Variants in WDR31 observed in about 807,000 individuals in gnomAD.
WDR31 encodes WD repeat domain 31, also known as WD repeat-containing protein 31.
Under a neutral mutation model 47.3 loss-of-function variants are expected in WDR31, and 30 were observed. The observed-to-expected ratio is 0.63, with a 90% confidence interval of 0.47 to 0.86. WDR31 has a LOEUF of 0.86. WDR31 is among the 40% of genes least tolerant of loss of function. The probability of loss-of-function intolerance (pLI) is 0.00; values close to 1 mark genes in which losing one functional copy is unlikely to be tolerated. For synonymous variants in WDR31, 137 were observed against 159.4 expected (o/e 0.86, Z 1.06); for missense variants, 406 against 442.9 (o/e 0.92, Z 0.75).
At chr9:113,337,833 T>C (rs1374187982) in intron 1 of WDR31, among the ~76,000 whole-genome samples, 1 of 152,166 alleles carries the variant, frequency 6.6e-6, no homozygotes, top group African/African-American at 2.4e-5. Context: ...ATAATGCAAA[T>C]ATTCTAAAAT....
At chr9:113,317,311 C>G (rs1434419398) in intron 10 of WDR31, among the ~76,000 whole-genome samples, 1 of 152,116 alleles carries the variant, frequency 6.6e-6, no homozygotes, top group Non-Finnish European at 1.5e-5. Context: ...AATGGGAGAG[C>G]CCGAAAGGCA....
chr9:113,318,432 A>T, intron 10 of WDR31, 43 bp downstream of exon 10: 1 of 1,611,772 alleles, frequency 6.2e-7, no homozygotes, highest in Non-Finnish European at 8.5e-7. Flanking sequence ...AGGTTTTAGG[A>T]CTTCATGTAT....
At chr9:113,332,903 G>C (rs967314832) in intron 2 of WDR31, among the ~76,000 whole-genome samples, 1 of 152,056 alleles carries the variant, frequency 6.6e-6, no homozygotes, top group Non-Finnish European at 1.5e-5. Context: ...TTTTAAAAAA[G>C]CCTGGCACCT....
At chr9:113,320,584 C>T in intron 8 of WDR31, 86 bp from the exon 9 acceptor site, 1 of 1,521,734 alleles carries the variant, frequency 6.6e-7, no homozygotes. Context: ...AAAGTCTTGG[C>T]TCTTTGCTGC....
chr9:113,327,365 T>C (rs1319144524), intron 5 of WDR31, among the ~76,000 whole-genome samples: 1 of 152,098 alleles, frequency 6.6e-6, no homozygotes, highest in Non-Finnish European at 1.5e-5. Flanking sequence ...TGAGGATAAG[T>C]CCAATTTTTG....
At chr9:113,337,399 C>T (rs2118867217) in intron 1 of WDR31, among the ~76,000 whole-genome samples, 1 of 151,994 alleles carries the variant, frequency 6.6e-6, no homozygotes, top group African/African-American at 2.4e-5. Context: ...CAAAATGATC[C>T]AAAATCTAAA....
intron 5 of WDR31, among the ~76,000 whole-genome samples, chr9:113,326,626 C>T (rs1050309939): frequency 1.3e-4 from 20 of 152,056 alleles, no homozygotes; most frequent in Non-Finnish European, 1.9e-4. Context: ...ACCACTATGA[C>T]CACCGAATAT....
Position 113,323,175 on chromosome 9 carries a change from C to T in WDR31, c.325-20G>A, listed in dbSNP as rs1176481069. 2 of 1,608,908 alleles carry T rather than the reference C, an allele frequency of 1.2e-6. No homozygotes were observed. The highest frequency in any genetic ancestry group is 2.7e-5 in the African/African-American group (2 of 74,846). On this transcript the variant is annotated intron_variant, in intron 5 of 10. Transcript: ENST00000374193. ...GGCTACCTGCTCAGGGAAAAAACAACAACACTGAAATAGCTCTGGTATGCT... is the reference window on the plus strand; with the variant it reads ...GGCTACCTGCTCAGGGAAAAAACAATAACACTGAAATAGCTCTGGTATGCT...
chr9:113,338,694 T>C (rs1356038228), intron 1 of WDR31, among the ~76,000 whole-genome samples: 2 of 151,316 alleles, frequency 1.3e-5, no homozygotes, highest in African/African-American at 4.9e-5. Context: ...TCTCAGCTCA[T>C]CACAACCTCC....
intron 1 of WDR31, among the ~76,000 whole-genome samples, chr9:113,337,174 C>T (rs986464210): frequency 2.0e-5 from 3 of 152,066 alleles, no homozygotes; most frequent in African/African-American, 7.3e-5. Context: ...CAACTGTGGC[C>T]TTGGGCAAGT....
rs1174875424 is a variant in WDR31, at chr9:113,316,439, C to T, written c.*310G>A. The T allele has an allele frequency of 2.6e-5, 6 of 226,700 alleles. No individual in the cohort carries two copies. The highest frequency in any genetic ancestry group is 1.1e-4 in the Admixed American group (2 of 18,826). 14.0% of individuals were successfully genotyped at this position (226,700 alleles called of 1,614,324 possible). A position where few individuals can be genotyped will look rare whatever the true frequency, so the allele number is the denominator to read the frequency against. The stretch of plus-strand genomic sequence containing the variant: ...CACAGACAGAGGCCTGCCACTCTTA[C>T]ATTTACAGGTCATCATTCTGAGCAA... On this transcript the variant is annotated 3_prime_UTR_variant, in exon 11 of 11. Coordinates refer to ENST00000374193, the MANE Select transcript of WDR31 (RefSeq NM_001012361.4).
intron 7 of WDR31, 47 bp downstream of exon 7, chr9:113,322,764 C>T: frequency 6.3e-7 from 1 of 1,589,092 alleles, no homozygotes; most frequent in Non-Finnish European, 8.6e-7. Flanking sequence ...TCCTTCACCC[C>T]ATGCTCCTTT....
In WDR31 at chr9:113,321,509, A is replaced by C. The variant is rs1454046256; in HGVS notation, c.638+2T>G. The C allele has an allele frequency of 1.4e-5, 22 of 1,614,064 alleles. No individual in the cohort carries two copies. Among genetic ancestry groups the C allele is most frequent in the Non-Finnish European group, 1.9e-5 (22 of 1,179,966 alleles). On this transcript the variant is annotated splice_donor_variant, in intron 8 of 10. Coordinates refer to ENST00000374193, the MANE Select transcript of WDR31 (RefSeq NM_001012361.4). LOFTEE classifies it high-confidence loss of function. ...ACTTTCACAGCTGCTCAGTAAGCCC[A>C]CCTGAGGGTTTTATCTTCAGAGGTC...
intron 2 of WDR31, 150 bp from the exon 3 acceptor site, chr9:113,332,200 C>T (rs7868271): frequency 0.53 from 267,262 of 504,458 alleles, 73,344 homozygotes; most frequent in African/African-American, 0.64. Flanking sequence ...AGGTTGCAGA[C>T]ACACAAAAAC....
At chr9:113,327,238 C>T (rs550338252) in intron 5 of WDR31, among the ~76,000 whole-genome samples, 2 of 152,050 alleles carry the variant, frequency 1.3e-5, no homozygotes, top group Non-Finnish European at 2.9e-5. Flanking sequence ...TTGAGTAGTT[C>T]TTCCTTCAAA....
chr9:113,323,739 G>T (rs1188418035), intron 5 of WDR31, among the ~76,000 whole-genome samples: 1 of 152,192 alleles, frequency 6.6e-6, no homozygotes, highest in Non-Finnish European at 1.5e-5. Flanking sequence ...ATGTCACCTT[G>T]GTGAGGATGT....
In WDR31 at chr9:113,313,395, A is replaced by G. The variant is rs1232045970; in HGVS notation, c.*3354T>C. 2.0e-5 allele frequency: 3 copies of G among 152,188 alleles called. No homozygotes were observed. The highest frequency in any genetic ancestry group is 6.5e-5 in the Admixed American group (1 of 15,290). 9.4% of individuals were successfully genotyped at this position (152,188 alleles called of 1,614,324 possible). On this transcript the variant is annotated 3_prime_UTR_variant, in exon 11 of 11. Transcript: ENST00000374193. ...TTGCTGCCTCTCTCCCTTCTGGGAAAAAGTGTCAGCTGCTGCACTAATAAT... is the reference window on the plus strand; with the variant it reads ...TTGCTGCCTCTCTCCCTTCTGGGAAGAAGTGTCAGCTGCTGCACTAATAAT...
Position 113,323,057 on chromosome 9 carries a change from T to G in WDR31, c.423A>C (p.Gln141His). Reference sequence around the variant, plus strand: ...TGACCACCATGGCATGGCCACACAATTGCTGCCTTGGTTGTGAGGAACCGT... The same window carrying G: ...TGACCACCATGGCATGGCCACACAAGTGCTGCCTTGGTTGTGAGGAACCGT... The part of the protein sequence containing the change: ...DLHGSSQPRQ[Q>H]LCGHAMVVTG... Residue 141 changes from glutamine to histidine, a missense_variant, in exon 6 of 11, where the codon CAA becomes CAC. Physicochemically the swap from Gln to His is conservative, Grantham distance 24. Transcript: ENST00000374193. The G allele has an allele frequency of 6.2e-7, 1 of 1,614,178 alleles. No homozygotes were observed. Among genetic ancestry groups the G allele is most frequent in the Non-Finnish European group, 8.5e-7 (1 of 1,180,032 alleles).
chr9:113,324,029 CT>C (rs150969879), intron 5 of WDR31, among the ~76,000 whole-genome samples: 6 of 151,238 alleles, frequency 4.0e-5, no homozygotes, highest in Middle Eastern at 3.4e-3. Flanking sequence ...CATCGTGTTT[CT>C]TTTTTTTTGG....
Sources: gnomAD v4.1 joint callset for allele counts (sites outside exome capture counted in the v4.1 genomes callset) on GRCh38, gnomAD v4.1.1 for gene constraint, MANE v1.5 for transcripts, NCBI Gene and HGNC (gene_info 2026-07-23, HGNC 2026-07-21) for gene names.